Variants in PRKCA observed in about 807,000 individuals in gnomAD.
PRKCA encodes the protein protein kinase C alpha, also known as protein kinase C alpha type.
Under a neutral mutation model 87.0 loss-of-function variants are expected in PRKCA, and 27 were observed. The observed-to-expected ratio is 0.31, with a 90% CI of 0.23 to 0.43. The LOEUF is 0.43. Among genes scored for constraint, PRKCA ranks in the 20% least tolerant of loss-of-function variants. PRKCA has a pLI of 1.00. For synonymous variants in PRKCA, 329 were observed against 311.1 expected, an observed-to-expected ratio of 1.06 and a Z score of -0.61; for missense variants, 518 against 852.3, an observed-to-expected ratio of 0.61 and a Z score of 4.88.
intron 2 of PRKCA, among the ~76,000 whole-genome samples, chr17:66,355,070 T>G (rs1907970976): frequency 6.6e-6 from 1 of 152,230 alleles, no homozygotes; most frequent in Non-Finnish European, 1.5e-5. Flanking sequence ...ATGTGGTATT[T>G]TCTGAAAAAC....
intron 2 of PRKCA, 92 bp downstream of exon 2, chr17:66,306,219 T>TA (rs1046493414): frequency 9.7e-6 from 13 of 1,346,662 alleles, no homozygotes; most frequent in East Asian, 4.7e-5. Flanking sequence ...TTCTTTCCAA[T>TA]AAAAAAATGT....
At chr17:66,317,856 C>T (rs1905404275) in intron 2 of PRKCA, among the ~76,000 whole-genome samples, 1 of 152,062 alleles carries the variant, frequency 6.6e-6, no homozygotes, top group Non-Finnish European at 1.5e-5. Flanking sequence ...AATGAACTGT[C>T]CTAAAATGTG....
intron 2 of PRKCA, among the ~76,000 whole-genome samples, chr17:66,458,173 T>C (rs1332798396): frequency 6.6e-6 from 1 of 152,198 alleles, no homozygotes; most frequent in Non-Finnish European, 1.5e-5. Context: ...TTTTTAAAAG[T>C]TGAGTTATTA....
intron 3 of PRKCA, among the ~76,000 whole-genome samples, chr17:66,583,465 G>A (rs1352738334): frequency 6.6e-6 from 1 of 152,104 alleles, no homozygotes; most frequent in Non-Finnish European, 1.5e-5. Context: ...TTAAAGTGAT[G>A]TCCTGAAGGA....
intron 2 of PRKCA, among the ~76,000 whole-genome samples, chr17:66,347,383 A>C (rs1907447855): frequency 6.6e-6 from 1 of 152,182 alleles, no homozygotes; most frequent in Non-Finnish European, 1.5e-5. Flanking sequence ...AAAGGAGGGA[A>C]TATTTTAATA....
chr17:66,426,615 C>A (rs1319403772), intron 2 of PRKCA, among the ~76,000 whole-genome samples: 2 of 152,210 alleles, frequency 1.3e-5, no homozygotes, highest in Non-Finnish European at 2.9e-5. Context: ...TCCTGTGCTG[C>A]AAGAACCCCC....
chr17:66,563,946 TCTTCTTTCCTTCCTTCCTTCCTTCCTTC>T (rs1209121928), intron 3 of PRKCA, among the ~76,000 whole-genome samples: 1 of 141,564 alleles, frequency 7.1e-6, no homozygotes, highest in Admixed American at 7.1e-5. Context: ...TGTACTTGTT[TCTTCTTTCCTTCCTTCCTTCCTTCCTTC>T]CTTCCTTCCT....
intron 2 of PRKCA, among the ~76,000 whole-genome samples, chr17:66,342,536 T>A (rs1349513139): frequency 6.6e-6 from 1 of 151,122 alleles, no homozygotes; most frequent in African/African-American, 2.4e-5. Flanking sequence ...CTGAACCTAT[T>A]TGAATGTAGA....
chr17:66,362,234 A>G (rs542270474), intron 2 of PRKCA, among the ~76,000 whole-genome samples: 10 of 152,208 alleles, frequency 6.6e-5, no homozygotes, highest in Admixed American at 2.6e-4. Context: ...ACTGGGTTTC[A>G]TCATGTTGGC....
chr17:66,308,045 A>G (rs1404240136), intron 2 of PRKCA, among the ~76,000 whole-genome samples: 2 of 152,152 alleles, frequency 1.3e-5, no homozygotes. Flanking sequence ...TAGTGGCTGC[A>G]TGTGTGGATG....
chr17:66,314,460 A>G (rs1905208153), intron 2 of PRKCA, among the ~76,000 whole-genome samples: 1 of 152,180 alleles, frequency 6.6e-6, no homozygotes, highest in Non-Finnish European at 1.5e-5. Flanking sequence ...TCAAGGATGG[A>G]ATGGAAGGGA....
chr17:66,792,540 G>A lies in PRKCA; in HGVS notation c.1854+3561G>A, dbSNP rs1271238347. On this transcript the variant is annotated intron_variant, in intron 16 of 16. Coordinates refer to ENST00000413366, the MANE Select transcript of PRKCA (RefSeq NM_002737.3). This position sits in a 1 kb window ranked among gnomAD's most constrained non-coding sequence, Gnocchi z 4.5. The stretch of plus-strand genomic sequence containing the variant: ...TCCTGACTGCCAGAGTGACTTGACT[G>A]AAGTTAACCTTTAGACCGCAGTGCC... Among the ~76,000 whole-genome samples, 1 of 152,170 alleles carries A rather than the reference G, an allele frequency of 6.6e-6. No homozygotes were observed. Among genetic ancestry groups the A allele is most frequent in the Non-Finnish European group, 1.5e-5 (1 of 68,026 alleles).
chr17:66,592,666 T>C (rs1270546293), intron 3 of PRKCA, among the ~76,000 whole-genome samples: 1 of 152,252 alleles, frequency 6.6e-6, no homozygotes, highest in African/African-American at 2.4e-5. Context: ...TCTAGGCTGC[T>C]AGTCAGTGAG....
Position 66,792,802 on chromosome 17 carries a change from C to T in PRKCA, c.1854+3823C>T, listed in dbSNP as rs1446130337. On this transcript the variant is annotated intron_variant, in intron 16 of 16. Coordinates refer to ENST00000413366, the MANE Select transcript of PRKCA (RefSeq NM_002737.3). The surrounding 1 kb of genome is among the most constrained non-coding windows in gnomAD (Gnocchi z 4.5). ...AGTGGCCACCTTCCCTGGCAGTGGC[C>T]ATCTCCCCTGGTGGTGGCAGGGTCC... 1.3e-5 allele frequency among the ~76,000 whole-genome samples: 2 copies of T among 152,144 alleles called. No homozygotes were observed. Among genetic ancestry groups the T allele is most frequent in the Non-Finnish European group, 2.9e-5 (2 of 68,014 alleles).
chr17:66,509,763 G>C (rs530259430), intron 3 of PRKCA, among the ~76,000 whole-genome samples: 2 of 152,184 alleles, frequency 1.3e-5, no homozygotes, highest in Admixed American at 6.5e-5. Flanking sequence ...CACTGGGGCC[G>C]TTAGTGTAAC....
chr17:66,802,098 G>A lies in PRKCA; in HGVS notation c.1855-1775G>A, dbSNP rs114569910. On this transcript the variant is annotated intron_variant, in intron 16 of 16. Coordinates refer to ENST00000413366, the MANE Select transcript of PRKCA (RefSeq NM_002737.3). ...TAGTCAGGTGTGGTGGTGCGCACCC[G>A]CAGTCCCAGCTACTCAGGAGGCTGA... Among the ~76,000 whole-genome samples the A allele has an allele frequency of 1.0e-2, 1,516 of 152,166 alleles. 20 individuals carry two copies. The highest frequency in any genetic ancestry group is 0.035 in the African/African-American group (1,441 of 41,504).
At chr17:66,390,292 C>T (rs746741885) in intron 2 of PRKCA, among the ~76,000 whole-genome samples, 10 of 152,004 alleles carry the variant, frequency 6.6e-5, no homozygotes, top group Non-Finnish European at 1.3e-4. Flanking sequence ...CTATATTCTG[C>T]GATGCTTATA....
At chr17:66,429,807 G>C (rs187550904) in intron 2 of PRKCA, among the ~76,000 whole-genome samples, 143 of 152,264 alleles carry the variant, frequency 9.4e-4, no homozygotes, top group Non-Finnish European at 1.6e-3. Context: ...TTAATGTGAC[G>C]GATAGGAAGA....
At chr17:66,747,401 TAG>T (rs550769290) in intron 13 of PRKCA, among the ~76,000 whole-genome samples, 122 of 152,330 alleles carry the variant, frequency 8.0e-4, no homozygotes, top group Non-Finnish European at 1.4e-3. Context: ...GTGTGCCATG[TAG>T]AGTCTTCCTC....
Sources: gnomAD v4.1 joint callset for allele counts (sites outside exome capture counted in the v4.1 genomes callset) on GRCh38, gnomAD v4.1.1 for gene constraint, Gnocchi (gnomAD v3.1) non-coding constraint, MANE v1.5 for transcripts, NCBI Gene and HGNC (gene_info 2026-07-23, HGNC 2026-07-21) for gene names.